ZNF804B: variants seen among roughly 807,000 people sequenced by gnomAD.
The protein encoded by ZNF804B is zinc finger 804B.
A neutral mutation model predicts 101.4 loss-of-function variants in ZNF804B; 80 were observed. The observed-to-expected ratio is 0.79, with a 90% CI of 0.66 to 0.95. The LOEUF (loss-of-function observed/expected upper bound fraction) is 0.95, where lower values mean the gene tolerates loss of function less well. ZNF804B is among the 40% of genes least tolerant of loss of function. The pLI, the probability that ZNF804B is intolerant of heterozygous loss-of-function variation, is 0.00. For synonymous variants in ZNF804B, 622 were observed against 558.8 expected (o/e 1.11, Z -1.59); for missense variants, 1,673 against 1,561.9 (o/e 1.07, Z -1.20).
chr7:89,035,937 A>G (rs1032734921), intron 1 of ZNF804B, among the ~76,000 whole-genome samples: 1 of 145,004 alleles, frequency 6.9e-6, no homozygotes, highest in East Asian at 1.9e-4. Context: ...TTAATATATT[A>G]TATTATATAT....
chr7:88,873,392 G>T (rs940898841), intron 1 of ZNF804B, among the ~76,000 whole-genome samples: 14 of 152,296 alleles, frequency 9.2e-5, no homozygotes, highest in African/African-American at 3.4e-4. Context: ...TGAGTAGGTT[G>T]TGAAAATGTT....
rs946016728 is a variant in ZNF804B, at chr7:89,296,568, A to T, written c.250-30776A>T. 3.3e-5 allele frequency among the ~76,000 whole-genome samples: 5 copies of T among 152,008 alleles called. No homozygotes were observed. In the East Asian group the frequency reaches 9.6e-4, roughly 29 times the overall value. On this transcript the variant is annotated intron_variant, in intron 2 of 3. Transcript: ENST00000333190. ...GGTTTTTCTACAAGGCTCATTACTG[A>T]TTCCTTTCAGAGCTCATTTTCCTAC...
intron 1 of ZNF804B, among the ~76,000 whole-genome samples, chr7:88,906,998 T>C (rs1792480609): frequency 6.6e-6 from 1 of 152,078 alleles, no homozygotes; most frequent in Non-Finnish European, 1.5e-5. Context: ...GCTTTCTTTG[T>C]CCTTCTTAAT....
At chr7:88,850,942 A>G (rs1015817951) in intron 1 of ZNF804B, among the ~76,000 whole-genome samples, 10 of 152,166 alleles carry the variant, frequency 6.6e-5, no homozygotes, top group African/African-American at 2.4e-4. Context: ...AACAATCATG[A>G]AAGATTTTTT....
chr7:89,330,894 T>TA (rs1466419443), intron 3 of ZNF804B, among the ~76,000 whole-genome samples: 1 of 151,090 alleles, frequency 6.6e-6, no homozygotes, highest in Non-Finnish European at 1.5e-5. Flanking sequence ...AGCTACATGG[T>TA]AAAATAAAAC....
chr7:88,882,562 A>G (rs1015630371), intron 1 of ZNF804B, among the ~76,000 whole-genome samples: 2 of 152,282 alleles, frequency 1.3e-5, no homozygotes, highest in Non-Finnish European at 1.5e-5. Flanking sequence ...ACGAAGAAAC[A>G]ACATGCACTT....
At chr7:89,308,217 A>G (rs938000235) in intron 2 of ZNF804B, among the ~76,000 whole-genome samples, 6 of 152,194 alleles carry the variant, frequency 3.9e-5, no homozygotes, top group African/African-American at 7.2e-5. Context: ...GTAAGGCATT[A>G]GAAAAGACGA....
intron 2 of ZNF804B, among the ~76,000 whole-genome samples, chr7:89,291,930 G>A (rs1195343750): frequency 2.0e-5 from 3 of 152,090 alleles, no homozygotes; most frequent in Non-Finnish European, 4.4e-5. Context: ...AATATGATTG[G>A]CAGAAGACTT....
At chr7:88,914,172 G>C (rs898268287) in intron 1 of ZNF804B, among the ~76,000 whole-genome samples, 2 of 152,114 alleles carry the variant, frequency 1.3e-5, no homozygotes, top group African/African-American at 4.8e-5. Flanking sequence ...AGCACGTCAG[G>C]TAATGAACAC....
chr7:88,893,594 G>T (rs1379672372), intron 1 of ZNF804B, among the ~76,000 whole-genome samples: 5 of 152,040 alleles, frequency 3.3e-5, no homozygotes, highest in African/African-American at 7.2e-5. Context: ...TATTAAAATA[G>T]AGTGTTGAAC....
At chr7:88,866,228 A>T (rs910671715) in intron 1 of ZNF804B, among the ~76,000 whole-genome samples, 5 of 152,238 alleles carry the variant, frequency 3.3e-5, no homozygotes, top group Non-Finnish European at 7.3e-5. Flanking sequence ...TATATTATGA[A>T]AATATGTTAA....
chr7:89,048,203 A>AACAC (rs140428820), intron 1 of ZNF804B, among the ~76,000 whole-genome samples: 65,140 of 149,648 alleles, frequency 0.44, 15,120 homozygotes, highest in Non-Finnish European at 0.52. Context: ...GATGTTCACA[A>AACAC]ACACACACAC....
At chr7:89,051,773 A>G (rs1789209499) in intron 1 of ZNF804B, among the ~76,000 whole-genome samples, 1 of 152,102 alleles carries the variant, frequency 6.6e-6, no homozygotes, top group South Asian at 2.1e-4. Context: ...TGTCATGGTT[A>G]CAAGCACAGA....
chr7:88,874,660 A>G (rs561094315), intron 1 of ZNF804B, among the ~76,000 whole-genome samples: 1 of 152,164 alleles, frequency 6.6e-6, no homozygotes, highest in African/African-American at 2.4e-5. Context: ...TACCTAATTT[A>G]TTGAGAGTTT....
intron 1 of ZNF804B, among the ~76,000 whole-genome samples, chr7:89,053,779 G>GA (rs1424519641): frequency 1.3e-5 from 2 of 151,616 alleles, no homozygotes; most frequent in South Asian, 2.1e-4. Context: ...TATGCACTCA[G>GA]AAAAAAGTCT....
chr7:89,288,881 AAT>A (rs1431284873), intron 2 of ZNF804B, among the ~76,000 whole-genome samples: 1 of 152,228 alleles, frequency 6.6e-6, no homozygotes, highest in Admixed American at 6.5e-5. Flanking sequence ...GGAACAATAA[AAT>A]ATATTTTTGT....
intron 1 of ZNF804B, among the ~76,000 whole-genome samples, chr7:88,883,080 A>T (rs1792067296): frequency 6.6e-6 from 1 of 152,098 alleles, no homozygotes; most frequent in African/African-American, 2.4e-5. Flanking sequence ...AGAAGAAAAA[A>T]ATTTTAAAAA....
At chr7:89,145,118 A>G (rs6960281) in intron 1 of ZNF804B, among the ~76,000 whole-genome samples, 40,612 of 151,738 alleles carry the variant, frequency 0.27, 5,454 homozygotes, top group Admixed American at 0.32. Flanking sequence ...ATAAAATTTA[A>G]TTTAATTCAA....
At chr7:88,948,734 A>G (rs1280036941) in intron 1 of ZNF804B, among the ~76,000 whole-genome samples, 1 of 151,824 alleles carries the variant, frequency 6.6e-6, no homozygotes, top group East Asian at 2.0e-4. Flanking sequence ...GTCAACTAGG[A>G]CAACTGGGGA....
Sources: allele counts gnomAD v4.1 joint callset (sites outside exome capture counted in the v4.1 genomes callset), GRCh38; gene constraint gnomAD v4.1.1; transcripts MANE v1.5; gene names NCBI Gene and HGNC (gene_info 2026-07-23, HGNC 2026-07-21).